The following GRID2 variants were observed in gnomAD, a reference collection of about 807,000 sequenced individuals.
The protein encoded by GRID2 is glutamate receptor ionotropic, delta-2.
GRID2 carries 33 observed loss-of-function variants against 114.8 expected under a neutral mutation model. The observed-to-expected ratio is 0.29, with a 90% CI of 0.22 to 0.38. The LOEUF is 0.38. Among genes scored for constraint, GRID2 ranks in the 10% least tolerant of loss-of-function variants. GRID2 has a pLI of 1.00. For missense variants in GRID2, 1,184 were observed against 1,257.7 expected (o/e 0.94, Z 0.89); for synonymous variants, 505 against 449.9 (o/e 1.12, Z -1.55).
At chr4:92,596,173 T>C (rs2149215632) in intron 2 of GRID2, among the ~76,000 whole-genome samples, 1 of 152,280 alleles carries the variant, frequency 6.6e-6, no homozygotes, top group Middle Eastern at 3.4e-3. Context: ...AGAATTGTTG[T>C]CTGTAGGAGC....
chr4:92,426,663 G>A (rs1188277397), intron 1 of GRID2, among the ~76,000 whole-genome samples: 1 of 152,020 alleles, frequency 6.6e-6, no homozygotes, highest in African/African-American at 2.4e-5. Context: ...AAGAACAAGA[G>A]CAAATATCTT....
intron 2 of GRID2, among the ~76,000 whole-genome samples, chr4:92,656,113 ATAC>A (rs1185284224): frequency 6.6e-6 from 1 of 151,680 alleles, no homozygotes; most frequent in Non-Finnish European, 1.5e-5. Flanking sequence ...AGGAACTTCC[ATAC>A]TATTTTTTAT....
chr4:92,377,352 C>G (rs1329717400), intron 1 of GRID2, among the ~76,000 whole-genome samples: 5 of 152,092 alleles, frequency 3.3e-5, no homozygotes, highest in Non-Finnish European at 7.4e-5. Context: ...CCAACAAGTT[C>G]CTCACTTCCA....
At chr4:92,630,303 T>C (rs921132290) in intron 2 of GRID2, among the ~76,000 whole-genome samples, 1 of 152,152 alleles carries the variant, frequency 6.6e-6, no homozygotes, top group African/African-American at 2.4e-5. Flanking sequence ...CCGTGTGTAT[T>C]CTGTGTTGCA....
At chr4:93,443,271 T>C (rs963005826) in intron 10 of GRID2, among the ~76,000 whole-genome samples, 1 of 152,010 alleles carries the variant, frequency 6.6e-6, no homozygotes, top group Non-Finnish European at 1.5e-5. Context: ...TAATTCCCTA[T>C]AATGCCTTAT....
At chr4:93,054,730 G>T (rs997773823) in intron 2 of GRID2, among the ~76,000 whole-genome samples, 1 of 151,666 alleles carries the variant, frequency 6.6e-6, no homozygotes. Context: ...TTTCAAAGAA[G>T]ATAAAAATGC....
intron 12 of GRID2, among the ~76,000 whole-genome samples, chr4:93,509,955 A>G (rs886633478): frequency 2.6e-5 from 4 of 152,194 alleles, no homozygotes; most frequent in Non-Finnish European, 5.9e-5. Context: ...ATGAGCTCTC[A>G]GGGCTGTAAC....
In GRID2 at chr4:92,574,560, G is replaced by T. The variant is rs111938138; in HGVS notation, c.89-15571G>T. On this transcript the variant is annotated intron_variant, in intron 1 of 15. Transcript: ENST00000282020. ...AAAACGACCTCTTTCTCTTATGAAA[G>T]GATCTCCTCTCCTTTATTTTTGAAG... Among the ~76,000 whole-genome samples, 44 of 151,806 alleles carry T rather than the reference G, an allele frequency of 2.9e-4. 1 individual carries two copies. The highest frequency in any genetic ancestry group is 9.2e-4 in the African/African-American group (38 of 41,402).
chr4:93,719,122 T>C (rs1475006228), intron 14 of GRID2, among the ~76,000 whole-genome samples: 2 of 151,928 alleles, frequency 1.3e-5, no homozygotes, highest in Non-Finnish European at 2.9e-5. Context: ...AGTTATGTAA[T>C]AACATTTTAA....
At chr4:92,923,892 T>A (rs1450847364) in intron 2 of GRID2, among the ~76,000 whole-genome samples, 1 of 152,154 alleles carries the variant, frequency 6.6e-6, no homozygotes, top group East Asian at 1.9e-4. Context: ...AGCAATCTGA[T>A]TACTGGGTAT....
intron 1 of GRID2, among the ~76,000 whole-genome samples, chr4:92,311,346 G>T (rs190328808): frequency 1.3e-5 from 2 of 151,958 alleles, no homozygotes; most frequent in Admixed American, 1.3e-4. Flanking sequence ...TCCTACTGTT[G>T]TTCACCAAGT....
rs570560713 is a variant in GRID2, at chr4:92,461,457, AG to A, written c.89-128673del. On this transcript the variant is annotated intron_variant, in intron 1 of 15. Transcript: ENST00000282020. ...CGTGTTGTGTTTGCCATTTTTTTCT[AG>A]CCAAAAACTCTAAGAAACTTGAAAT... 9.0e-4 allele frequency among the ~76,000 whole-genome samples: 137 copies of A among 152,108 alleles called. No individual in the cohort carries two copies. The Middle Eastern group carries it at 0.024, about 26-fold the overall frequency.
chr4:93,073,712 G>A (rs1028693754), intron 2 of GRID2, among the ~76,000 whole-genome samples: 1 of 152,218 alleles, frequency 6.6e-6, no homozygotes, highest in South Asian at 2.1e-4. Flanking sequence ...ATTGCTACTG[G>A]TAAAGACTCC....
At chr4:93,447,883 A>G (rs1401151005) in intron 10 of GRID2, among the ~76,000 whole-genome samples, 1 of 151,972 alleles carries the variant, frequency 6.6e-6, no homozygotes, top group Non-Finnish European at 1.5e-5. Context: ...ATTAAGTGAT[A>G]ATTGAATTCT....
chr4:93,776,659 T>A (rs1298973967), downstream of GRID2, among the ~76,000 whole-genome samples: 1 of 152,186 alleles, frequency 6.6e-6, no homozygotes, highest in Admixed American at 6.5e-5. Flanking sequence ...CCAATTCATC[T>A]TAGTAGTTCT....
intron 2 of GRID2, among the ~76,000 whole-genome samples, chr4:92,749,078 C>T (rs1309859237): frequency 6.6e-6 from 1 of 151,684 alleles, no homozygotes; most frequent in Non-Finnish European, 1.5e-5. Context: ...ACTGCAACCT[C>T]CACCTCCCAG....
At chr4:92,351,948 C>T (rs916315961) in intron 1 of GRID2, among the ~76,000 whole-genome samples, 6 of 151,834 alleles carry the variant, frequency 4.0e-5, no homozygotes, top group African/African-American at 1.4e-4. Context: ...CTGTTGTAAA[C>T]AGTGCTACAA....
At chr4:92,657,708 T>C (rs932948227) in intron 2 of GRID2, among the ~76,000 whole-genome samples, 2 of 151,842 alleles carry the variant, frequency 1.3e-5, no homozygotes, top group Admixed American at 6.6e-5. Flanking sequence ...AGTTTAGTTA[T>C]GCAGGATTAG....
chr4:92,473,105 A>AT (rs1374338952), intron 1 of GRID2, among the ~76,000 whole-genome samples: 3 of 152,016 alleles, frequency 2.0e-5, no homozygotes, highest in Admixed American at 6.6e-5. Flanking sequence ...ATCAAAATTC[A>AT]TTTTTTTGCA....
Sources: gnomAD v4.1 joint callset for allele counts (sites outside exome capture counted in the v4.1 genomes callset) on GRCh38, gnomAD v4.1.1 for gene constraint, MANE v1.5 for transcripts, NCBI Gene and HGNC (gene_info 2026-07-23, HGNC 2026-07-21) for gene names.